DRP2: variants seen among roughly 807,000 people sequenced by gnomAD.
The protein encoded by DRP2 is dystrophin related protein 2.
A neutral mutation model predicts 78.2 loss-of-function variants in DRP2; 29 were observed. That is an observed-to-expected ratio of 0.37 (90% CI 0.28 to 0.51). DRP2 has a LOEUF of 0.51. DRP2 is among the 20% of genes least tolerant of loss of function. The pLI is 0.94. For synonymous variants in DRP2, 290 were observed against 281.9 expected, an observed-to-expected ratio of 1.03 and a Z score of -0.29; for missense variants, 686 against 770.6, an observed-to-expected ratio of 0.89 and a Z score of 1.30.
chrX:101,255,211 C>T lies in DRP2; in HGVS notation c.2208C>T (p.Cys736=), dbSNP rs760760895. Residue 736 remains cysteine (C), a synonymous_variant, in exon 20 of 24, where the codon TGC becomes TGT. Coordinates refer to ENST00000395209, the MANE Select transcript of DRP2 (RefSeq NM_001939.3). ...TTGCTGAGATGGAAAGTCAAAATTG[C>T]TCCTTCTTTAATGACAGCTTGTCCC... The part of the protein sequence containing the change: ...SRLAEMESQN[C]SFFNDSLSPD... 1 of 1,211,513 alleles carries T rather than the reference C, an allele frequency of 8.3e-7. No homozygotes were observed. Among genetic ancestry groups the T allele is most frequent in the Non-Finnish European group, 1.1e-6 (1 of 895,396 alleles).
At chrX:101,221,310 C>G (rs891616290) in intron 1 of DRP2, among the ~76,000 whole-genome samples, 4 of 113,173 alleles carry the variant, frequency 3.5e-5, no homozygotes, top group Non-Finnish European at 7.5e-5. Context: ...GAAAGGCCCT[C>G]AGGTAAATCA....
chrX:101,231,522 A>G, intron 2 of DRP2, 63 bp from the exon 3 acceptor site: 1 of 623,402 alleles, frequency 1.6e-6, no homozygotes, highest in Non-Finnish European at 2.8e-6. Flanking sequence ...ACCTCTGGGT[A>G]GATGCTTGAT....
intron 17 of DRP2, among the ~76,000 whole-genome samples, chrX:101,254,211 A>G (rs1347220817): frequency 9.0e-6 from 1 of 110,704 alleles, no homozygotes; most frequent in Non-Finnish European, 1.9e-5. Flanking sequence ...CTGTCTCCTC[A>G]CCCTGGCCCC....
At chrX:101,256,476 G>A (rs1923342311) in intron 21 of DRP2, among the ~76,000 whole-genome samples, 1 of 111,549 alleles carries the variant, frequency 9.0e-6, no homozygotes, top group Non-Finnish European at 1.9e-5. Context: ...CATATAATGT[G>A]TTTGGCTCAG....
At chrX:101,234,668 C>T (rs1384259879) in intron 3 of DRP2, among the ~76,000 whole-genome samples, 2 of 111,171 alleles carry the variant, frequency 1.8e-5, no homozygotes, top group Non-Finnish European at 1.9e-5. Flanking sequence ...GCTATGGACT[C>T]CCCAGGCAGC....
chrX:101,244,207 A>G lies in DRP2; in HGVS notation c.1055-810A>G, dbSNP rs73250678. Among the ~76,000 whole-genome samples, 73 of 111,236 alleles carry G rather than the reference A, an allele frequency of 6.6e-4. No individual in the cohort carries two copies. In the South Asian group the frequency reaches 8.2e-3, roughly 12 times the overall value. On this transcript the variant is annotated intron_variant, in intron 9 of 23. Coordinates refer to ENST00000395209, the MANE Select transcript of DRP2 (RefSeq NM_001939.3). ...AGCAAGAGTGGGAACAGGGAGGCCT[A>G]TTTGGAGGTACATTGCAATAATCCA...
rs909485216 is a variant in DRP2, at chrX:101,261,715, G to T, written c.*1094G>T. 8.9e-6 allele frequency: 1 copy of T among 112,415 alleles called. No homozygotes were observed. The highest frequency in any genetic ancestry group is 2.8e-4 in the East Asian group (1 of 3,585). The allele number at this position is 112,415 out of a possible 1,213,427, so 9.3% of individuals were successfully genotyped here. The stretch of plus-strand genomic sequence containing the variant: ...CCACAGGCCACAAATCAGGAAGCTG[G>T]CCACTTTCCACCCAGACAACAACAG... On this transcript the variant is annotated 3_prime_UTR_variant, in exon 24 of 24. Coordinates refer to ENST00000395209, the MANE Select transcript of DRP2 (RefSeq NM_001939.3).
At chrX:101,236,769 C>A (rs2065139885) in intron 4 of DRP2, among the ~76,000 whole-genome samples, 1 of 112,186 alleles carries the variant, frequency 8.9e-6, no homozygotes, top group Non-Finnish European at 1.9e-5. Flanking sequence ...AACTGTGTGA[C>A]CTTTGGGAAC....
chrX:101,243,417 C>A lies in DRP2; in HGVS notation c.1054+435C>A, dbSNP rs73556814. On this transcript the variant is annotated intron_variant, in intron 9 of 23. Coordinates refer to ENST00000395209, the MANE Select transcript of DRP2 (RefSeq NM_001939.3). ...CGTCTCAAAAAAAAAAAAAAAAAAACACAATCTCTCAAATCGGAGAGATCT... is the reference window on the plus strand; with the variant it reads ...CGTCTCAAAAAAAAAAAAAAAAAAAAACAATCTCTCAAATCGGAGAGATCT... Among the ~76,000 whole-genome samples the A allele has an allele frequency of 4.6e-3, 309 of 67,641 alleles. 1 individual carries two copies. The highest frequency in any genetic ancestry group is 0.012 in the African/African-American group (131 of 10,956). 58.7% of individuals were successfully genotyped at this position (67,641 alleles called of 115,157 possible). A position where few individuals can be genotyped will look rare whatever the true frequency, so the allele number is the denominator to read the frequency against.
rs754778339 is a variant in DRP2 at position 101,258,481 on chromosome X, A to T, written c.2563A>T (p.Ile855Phe). 4 of 1,192,534 alleles carry T rather than the reference A, an allele frequency of 3.4e-6. No homozygotes were observed. The East Asian group carries it at 1.2e-4, about 36-fold the overall frequency. ...GAGCCGCCTGGAGACGCGCATGCAGATCCTCGAAGATCACAACAAGCAGCT... is the reference window on the plus strand; with the variant it reads ...GAGCCGCCTGGAGACGCGCATGCAGTTCCTCGAAGATCACAACAAGCAGCT... ...HKSRLETRMQ[I>F]LEDHNKQLES... Residue 855 changes from isoleucine to phenylalanine, a missense_variant, in exon 22 of 24, where the codon ATC becomes TTC. Around this residue, in one of 2 missense-constraint regions of DRP2, gnomAD observed 423 missense variants for 531.5 expected, o/e 0.80. Coordinates refer to ENST00000395209, the MANE Select transcript of DRP2 (RefSeq NM_001939.3).
intron 2 of DRP2, among the ~76,000 whole-genome samples, chrX:101,229,352 G>A (rs1327193750): frequency 9.0e-6 from 1 of 111,456 alleles, no homozygotes; most frequent in Non-Finnish European, 1.9e-5. Context: ...TTGGGGATGA[G>A]TAGCTACATA....
intron 16 of DRP2, chrX:101,251,547 A>G (rs1274337667): frequency 8.8e-6 from 1 of 113,130 alleles, no homozygotes; most frequent in Non-Finnish European, 1.9e-5. Context: ...TATGTCAACC[A>G]TGCAGATACA....
intron 4 of DRP2, among the ~76,000 whole-genome samples, chrX:101,236,994 G>A (rs925399702): frequency 9.0e-6 from 1 of 111,437 alleles, no homozygotes; most frequent in African/African-American, 3.3e-5. Context: ...CATTTGGAGG[G>A]CAGCGGGGTA....
intron 13 of DRP2, 23 bp downstream of exon 13, chrX:101,248,313 G>A: frequency 8.3e-7 from 1 of 1,198,227 alleles, no homozygotes; most frequent in Non-Finnish European, 1.1e-6. Context: ...AGCTCTGGAA[G>A]CCTCCAGGAT....
In DRP2 at chrX:101,245,916, G is replaced by A. The variant is rs139113421; in HGVS notation, c.1177+467G>A. Among the ~76,000 whole-genome samples, 635 of 111,909 alleles carry A rather than the reference G, an allele frequency of 5.7e-3. 4 individuals are homozygous for A. The highest frequency in any genetic ancestry group is 8.5e-3 in the Non-Finnish European group (454 of 53,177). ...TAAAAAGGTAGATCTTATGTTAAGT[G>A]TTCTTACAGAAAAAAACAATAAAGA... On this transcript the variant is annotated intron_variant, in intron 11 of 23. Transcript: ENST00000395209.
At chrX:101,249,258 T>A (rs933570583) in intron 14 of DRP2, among the ~76,000 whole-genome samples, 1 of 112,169 alleles carries the variant, frequency 8.9e-6, no homozygotes, top group Non-Finnish European at 1.9e-5. Context: ...AGAAAGCATT[T>A]TTTAGAAAGT....
Position 101,248,214 on chromosome X carries a change from G to A in DRP2, c.1378G>A (p.Glu460Lys). The A allele has an allele frequency of 8.3e-7, 1 of 1,211,851 alleles. No homozygotes were observed. The highest frequency in any genetic ancestry group is 1.1e-6 in the Non-Finnish European group (1 of 895,564). Residue 460 changes from glutamate (E) to lysine (K), a missense_variant, in exon 13 of 24, where the codon GAG (glutamate) becomes AAG (lysine). Coordinates refer to ENST00000395209, the MANE Select transcript of DRP2 (RefSeq NM_001939.3). ...GACTGCCTTATATGAACGTTTGGAG[G>A]AGGAAAGAGGCATCCTGGTCAACGT... Reference protein sequence around the residue: ...CLTALYERLEEERGILVNVPL... With the variant: ...CLTALYERLEKERGILVNVPL...
At position 101,231,668 on chromosome X, in the gene DRP2, G is replaced by A; in HGVS notation, c.21G>A (p.Gln7=). The A allele has an allele frequency of 8.3e-7, 1 of 1,211,048 alleles. No individual in the cohort carries two copies. Residue 7 remains glutamine (Q), a synonymous_variant, in exon 3 of 24, where the codon CAG becomes CAA. Coordinates refer to ENST00000395209, the MANE Select transcript of DRP2 (RefSeq NM_001939.3). ...TTTTTATGCAACCTATGGTCATGCA[G>A]GGATGCCCTTACACCCTCCCACGAT... is the stretch of plus-strand genomic sequence containing the variant. MQPMVM[Q]GCPYTLPRCH...
At chrX:101,247,282 A>G in intron 12 of DRP2, 118 bp downstream of exon 12, 4 of 631,276 alleles carry the variant, frequency 6.3e-6, no homozygotes, top group Non-Finnish European at 7.2e-6. Context: ...CTTGGTGGAA[A>G]CTCTCCAAAG....
Sources: gnomAD v4.1 joint callset for allele counts (sites outside exome capture counted in the v4.1 genomes callset) on GRCh38, gnomAD v4.1.1 for gene constraint, gnomAD v4.1.1 regional missense constraint, MANE v1.5 for transcripts, NCBI Gene and HGNC (gene_info 2026-07-23, HGNC 2026-07-21) for gene names.